The following ROBO2 variants were observed in gnomAD, a reference collection of about 807,000 sequenced individuals.
ROBO2 encodes the protein roundabout guidance receptor 2, also known as roundabout homolog 2.
A neutral mutation model predicts 160.8 loss-of-function variants in ROBO2; 53 were observed. The ratio of observed to expected loss-of-function variants is 0.33; its 90% CI spans 0.26 to 0.41. ROBO2 has a LOEUF of 0.41. Ranked by LOEUF, ROBO2 falls within the 10% of genes least tolerant of loss-of-function variation. The pLI, the probability that ROBO2 is intolerant of heterozygous loss-of-function variation, is 1.00. For missense variants in ROBO2, 1,577 were observed against 1,722.4 expected, an observed-to-expected ratio of 0.92 and a Z score of 1.49; for synonymous variants, 664 against 611.7, an observed-to-expected ratio of 1.09 and a Z score of -1.26.
intron 2 of ROBO2, among the ~76,000 whole-genome samples, chr3:76,217,137 C>A (rs1442927606): frequency 1.3e-5 from 2 of 152,106 alleles, no homozygotes; most frequent in East Asian, 1.9e-4. Context: ...CACAACATAC[C>A]AGAATCTCTG....
At chr3:76,628,095 T>A (rs2875411) in intron 2 of ROBO2, among the ~76,000 whole-genome samples, 91,796 of 151,974 alleles carry the variant, frequency 0.6, 27,912 homozygotes, top group East Asian at 0.73. Flanking sequence ...TGAGTTCTCA[T>A]GCCAGAATGG....
intron 2 of ROBO2, among the ~76,000 whole-genome samples, chr3:76,968,277 A>T (rs1481561975): frequency 2.0e-5 from 3 of 152,174 alleles, no homozygotes; most frequent in Non-Finnish European, 4.4e-5. Flanking sequence ...CGTTATGTTT[A>T]TGAAATTTCT....
chr3:77,547,791 G>A (rs968663737), intron 7 of ROBO2, among the ~76,000 whole-genome samples: 5 of 152,060 alleles, frequency 3.3e-5, no homozygotes, highest in African/African-American at 1.2e-4. Context: ...CATCAGAACT[G>A]TTCCAGGCCT....
At chr3:76,877,149 T>A (rs1359957659) in intron 2 of ROBO2, among the ~76,000 whole-genome samples, 6 of 152,222 alleles carry the variant, frequency 3.9e-5, no homozygotes, top group African/African-American at 1.4e-4. Flanking sequence ...ATTTTATTAG[T>A]GTTTGAAAGT....
At chr3:76,692,879 A>G (rs564560418) in intron 2 of ROBO2, among the ~76,000 whole-genome samples, 46 of 151,856 alleles carry the variant, frequency 3.0e-4, no homozygotes, top group Non-Finnish European at 5.3e-4. Flanking sequence ...AACACACTAT[A>G]TAACTCTCTC....
At chr3:76,944,955 C>T (rs2078428817) in intron 2 of ROBO2, among the ~76,000 whole-genome samples, 1 of 151,746 alleles carries the variant, frequency 6.6e-6, no homozygotes, top group Admixed American at 6.6e-5. Context: ...GTGGCGCGAT[C>T]TCAGCTCACT....
At chr3:76,424,938 C>G (rs1340063087) in intron 2 of ROBO2, among the ~76,000 whole-genome samples, 1 of 152,144 alleles carries the variant, frequency 6.6e-6, no homozygotes, top group Non-Finnish European at 1.5e-5. Context: ...CATTCCCACC[C>G]CATAACCCTT....
intron 6 of ROBO2, among the ~76,000 whole-genome samples, chr3:77,532,047 C>T (rs1232419965): frequency 1.3e-5 from 2 of 152,076 alleles, no homozygotes; most frequent in African/African-American, 4.8e-5. Context: ...ACTGAGTTTC[C>T]ATAATGTGAA....
intron 2 of ROBO2, among the ~76,000 whole-genome samples, chr3:77,175,089 G>T (rs2080012171): frequency 1.3e-5 from 2 of 152,130 alleles, no homozygotes; most frequent in South Asian, 4.1e-4. Flanking sequence ...ACCCTGTCAG[G>T]TAAGTTGTAT....
At chr3:76,703,947 A>G (rs757004185) in intron 2 of ROBO2, among the ~76,000 whole-genome samples, 1 of 152,070 alleles carries the variant, frequency 6.6e-6, no homozygotes, top group Non-Finnish European at 1.5e-5. Flanking sequence ...GTTATTGCTT[A>G]TAAGAAAATT....
At chr3:76,907,796 T>C (rs2075700346) in intron 2 of ROBO2, among the ~76,000 whole-genome samples, 1 of 151,140 alleles carries the variant, frequency 6.6e-6, no homozygotes, top group Non-Finnish European at 1.5e-5. Flanking sequence ...TGGATATTCA[T>C]GGCCTTTCTG....
At chr3:77,349,421 C>A (rs1239942915) in intron 2 of ROBO2, among the ~76,000 whole-genome samples, 3 of 152,188 alleles carry the variant, frequency 2.0e-5, no homozygotes, top group Admixed American at 1.3e-4. Flanking sequence ...TTCTTGGGAG[C>A]TACAGTACAG....
intron 2 of ROBO2, among the ~76,000 whole-genome samples, chr3:76,431,575 G>T (rs536779808): frequency 6.6e-5 from 10 of 152,174 alleles, no homozygotes; most frequent in African/African-American, 2.4e-4. Context: ...ATGTGGTTAA[G>T]TGTTCCCAAG....
intron 2 of ROBO2, among the ~76,000 whole-genome samples, chr3:76,873,937 C>A (rs2072421055): frequency 6.6e-6 from 1 of 151,944 alleles, no homozygotes; most frequent in Non-Finnish European, 1.5e-5. Flanking sequence ...ATTATTGACC[C>A]CTGTGGCCTT....
At chr3:76,365,887 A>G (rs967988891) in intron 2 of ROBO2, among the ~76,000 whole-genome samples, 3 of 152,052 alleles carry the variant, frequency 2.0e-5, no homozygotes, top group African/African-American at 7.2e-5. Flanking sequence ...TTTCAAAACC[A>G]AAGACAAAAT....
intron 4 of ROBO2, among the ~76,000 whole-genome samples, chr3:77,487,501 T>C (rs1343207503): frequency 6.6e-6 from 1 of 152,212 alleles, no homozygotes; most frequent in African/African-American, 2.4e-5. Context: ...AAGAAACTAA[T>C]GCAGTCAGGA....
chr3:76,526,241 G>A (rs972039903), intron 2 of ROBO2, among the ~76,000 whole-genome samples: 3 of 152,012 alleles, frequency 2.0e-5, no homozygotes, highest in Non-Finnish European at 2.9e-5. Context: ...CAGATCATAA[G>A]ACTTACAGTT....
At chr3:76,483,421 C>G (rs945787795) in intron 2 of ROBO2, among the ~76,000 whole-genome samples, 2 of 151,310 alleles carry the variant, frequency 1.3e-5, no homozygotes, top group Non-Finnish European at 2.9e-5. Flanking sequence ...ATTCCATCAC[C>G]CAGGTACTGA....
At chr3:76,744,612 T>A (rs1401799130) in intron 2 of ROBO2, among the ~76,000 whole-genome samples, 1 of 151,990 alleles carries the variant, frequency 6.6e-6, no homozygotes, top group Non-Finnish European at 1.5e-5. Flanking sequence ...TCCTTCCACT[T>A]CAACATCCTA....
Sources: allele counts gnomAD v4.1 joint callset (sites outside exome capture counted in the v4.1 genomes callset), GRCh38; gene constraint gnomAD v4.1.1; transcripts MANE v1.5; gene names NCBI Gene and HGNC (gene_info 2026-07-23, HGNC 2026-07-21).